The following SCAMP1 variants were observed in gnomAD, a reference collection of about 807,000 sequenced individuals.
The protein encoded by SCAMP1 is secretory carrier membrane protein 1.
A neutral mutation model predicts 41.8 loss-of-function variants in SCAMP1; 15 were observed. That is an observed-to-expected ratio of 0.36 (90% CI 0.24 to 0.55). The LOEUF is 0.55. SCAMP1 is among the 20% of genes least tolerant of loss of function. The pLI is 0.86. For missense variants in SCAMP1, 341 were observed against 412.6 expected, an observed-to-expected ratio of 0.83 and a Z score of 1.50; for synonymous variants, 135 against 136.8, an observed-to-expected ratio of 0.99 and a Z score of 0.09.
intron 3 of SCAMP1, among the ~76,000 whole-genome samples, chr5:78,416,334 C>T (rs1317676583): frequency 2.0e-5 from 3 of 152,140 alleles, no homozygotes; most frequent in African/African-American, 7.2e-5. Flanking sequence ...CCAACATTCC[C>T]ACTGAGAGTT....
At chr5:78,460,742 CTCCT>C (rs1188221227) in intron 8 of SCAMP1, among the ~76,000 whole-genome samples, 2,168 of 84,584 alleles carry the variant, frequency 0.026, 128 homozygotes, top group Admixed American at 0.073. Context: ...GGTTTCTTTT[CTCCT>C]TCCTTCCTTC....
At chr5:78,471,677 A>T (rs1036480048) in intron 8 of SCAMP1, among the ~76,000 whole-genome samples, 1 of 152,106 alleles carries the variant, frequency 6.6e-6, no homozygotes, top group Non-Finnish European at 1.5e-5. Context: ...CCACCACAGC[A>T]TGTATTGTCT....
intron 1 of SCAMP1, among the ~76,000 whole-genome samples, chr5:78,379,087 G>A (rs1229013741): frequency 6.6e-6 from 1 of 152,056 alleles, no homozygotes; most frequent in African/African-American, 2.4e-5. Flanking sequence ...CCACAGTTTT[G>A]GAATTATTAA....
intron 1 of SCAMP1, among the ~76,000 whole-genome samples, chr5:78,386,793 C>T (rs1751352657): frequency 3.9e-5 from 6 of 152,146 alleles, no homozygotes; most frequent in Admixed American, 3.9e-4. Flanking sequence ...GACCTCAGCT[C>T]TTCTAGCCTG....
rs1216175912 is a variant in SCAMP1 at position 78,478,737 on chromosome 5, T to G, written c.*3069T>G. 1.3e-5 allele frequency: 2 copies of G among 152,174 alleles called. No individual in the cohort carries two copies. The highest frequency in any genetic ancestry group is 2.4e-5 in the African/African-American group (1 of 41,470). The allele number at this position is 152,174 out of a possible 1,614,324, so 9.4% of individuals were successfully genotyped here. On this transcript the variant is annotated 3_prime_UTR_variant, in exon 9 of 9. Transcript: ENST00000621999. The stretch of plus-strand genomic sequence containing the variant: ...GTACCTATTTGTGTATATTGGATTT[T>G]TCACTTGGTTAGCTAAAGAAGATGT...
At chr5:78,404,194 C>T (rs1751872761) in intron 2 of SCAMP1, among the ~76,000 whole-genome samples, 2 of 151,288 alleles carry the variant, frequency 1.3e-5, no homozygotes. Context: ...ATCCAAGTTT[C>T]TGACCTATAT....
At chr5:78,444,655 G>C (rs1186154747) in intron 6 of SCAMP1, among the ~76,000 whole-genome samples, 1 of 152,156 alleles carries the variant, frequency 6.6e-6, no homozygotes. Context: ...AGTCTTGATT[G>C]TTAGCAACCA....
At chr5:78,453,099 G>A (rs1398645134) in intron 7 of SCAMP1, among the ~76,000 whole-genome samples, 2 of 150,144 alleles carry the variant, frequency 1.3e-5, no homozygotes, top group African/African-American at 2.5e-5. Flanking sequence ...TTTGTCAGAC[G>A]AGTAGGTTGC....
At chr5:78,464,750 G>A (rs977025477) in intron 8 of SCAMP1, among the ~76,000 whole-genome samples, 1 of 152,072 alleles carries the variant, frequency 6.6e-6, no homozygotes, top group African/African-American at 2.4e-5. Flanking sequence ...ATAACCTAAT[G>A]ATGAAATCAC....
At chr5:78,427,495 G>T (rs1404386363) in intron 6 of SCAMP1, among the ~76,000 whole-genome samples, 1 of 152,088 alleles carries the variant, frequency 6.6e-6, no homozygotes, top group Admixed American at 6.6e-5. Flanking sequence ...TCTGTCTATG[G>T]CCATATATTC....
intron 1 of SCAMP1, 52 bp downstream of exon 1, chr5:78,360,780 A>G (rs1750621984): frequency 1.3e-6 from 2 of 1,536,852 alleles, no homozygotes; most frequent in Non-Finnish European, 8.9e-7. Flanking sequence ...GTTGTTTGTG[A>G]AAACGGACGA....
chr5:78,420,124 T>C (rs962961632), intron 5 of SCAMP1, among the ~76,000 whole-genome samples: 1 of 152,150 alleles, frequency 6.6e-6, no homozygotes, highest in Non-Finnish European at 1.5e-5. Context: ...GGCACGATCT[T>C]GGTTCACTGC....
intron 1 of SCAMP1, among the ~76,000 whole-genome samples, chr5:78,362,029 C>A (rs994647211): frequency 6.6e-6 from 1 of 152,030 alleles, no homozygotes; most frequent in Admixed American, 6.6e-5. Flanking sequence ...CCTAATGTCA[C>A]TTAAAATTCA....
In SCAMP1 at chr5:78,398,302, A is replaced by G. The variant is rs1385109318; in HGVS notation, c.135+9388A>G. Among the ~76,000 whole-genome samples, 4 of 149,576 alleles carry G rather than the reference A, an allele frequency of 2.7e-5. No individual in the cohort carries two copies. The South Asian group carries it at 8.4e-4, about 31-fold the overall frequency. On this transcript the variant is annotated intron_variant, in intron 2 of 8. Transcript: ENST00000621999. ...CCATTATCAAACAATTGGTGAATCT[A>G]TATTGACACACCATAATCACCCAAA...
At position 78,447,572 on chromosome 5, in the gene SCAMP1, TTGATA is replaced by T. The variant is rs201296168; in HGVS notation, c.633-2354_633-2350del. Among the ~76,000 whole-genome samples, 995 of 152,146 alleles carry T rather than the reference TTGATA, an allele frequency of 6.5e-3. 7 individuals are homozygous for T. Among genetic ancestry groups the T allele is most frequent in the African/African-American group, 0.023 (944 of 41,504 alleles). On this transcript the variant is annotated intron_variant, in intron 6 of 8. Transcript: ENST00000621999. ...CCATATGCAAAAAAGAACTTCATAC[TTGATA>T]TGATATTTTAAAAAATTAACTCAAA...
chr5:78,431,398 C>G (rs943353144), intron 6 of SCAMP1, among the ~76,000 whole-genome samples: 1 of 151,420 alleles, frequency 6.6e-6, no homozygotes, highest in South Asian at 2.1e-4. Context: ...ATTAAGTTGA[C>G]AGTCTCTTTT....
chr5:78,420,169 C>T (rs1200675875), intron 5 of SCAMP1, among the ~76,000 whole-genome samples: 1 of 152,126 alleles, frequency 6.6e-6, no homozygotes, highest in African/African-American at 2.4e-5. Context: ...GATTCTCGTG[C>T]CTCAGCCTCC....
chr5:78,409,648 G>T (rs1432873047), intron 2 of SCAMP1, among the ~76,000 whole-genome samples: 1 of 152,128 alleles, frequency 6.6e-6, no homozygotes, highest in Non-Finnish European at 1.5e-5. Context: ...CAGGATAATA[G>T]CTATTAGATT....
Position 78,450,293 on chromosome 5 carries a change from G to A in SCAMP1, c.734+259G>A, listed in dbSNP as rs139842835. 4.9e-4 allele frequency among the ~76,000 whole-genome samples: 74 copies of A among 152,218 alleles called. No individual in the cohort carries two copies. In the East Asian group the frequency reaches 0.011, roughly 23 times the overall value. ...AACATGTATGTAAGGGCGCTAAGAGGAAGACTGCAAAAGAGACTGAGGTGG... is the reference window on the plus strand; with the variant it reads ...AACATGTATGTAAGGGCGCTAAGAGAAAGACTGCAAAAGAGACTGAGGTGG... On this transcript the variant is annotated intron_variant, in intron 7 of 8. Transcript: ENST00000621999.
Sources: gnomAD v4.1 joint callset for allele counts (sites outside exome capture counted in the v4.1 genomes callset) on GRCh38, gnomAD v4.1.1 for gene constraint, MANE v1.5 for transcripts, NCBI Gene and HGNC (gene_info 2026-07-23, HGNC 2026-07-21) for gene names.